The following ADAMTSL1 variants were observed in gnomAD, a reference collection of about 807,000 sequenced individuals.
ADAMTSL1 encodes the protein ADAMTS-like protein 1.
ADAMTSL1 carries 126 observed loss-of-function variants against 201.8 expected under a neutral mutation model. The ratio of observed to expected loss-of-function variants is 0.62; its 90% CI spans 0.54 to 0.72. The LOEUF is 0.72. Among genes scored for constraint, ADAMTSL1 ranks in the 30% least tolerant of loss-of-function variants. The pLI, the probability that ADAMTSL1 is intolerant of heterozygous loss-of-function variation, is 0.00. For missense variants in ADAMTSL1, 2,679 were observed against 2,277.8 expected (o/e 1.18, Z -3.59); for synonymous variants, 1,121 against 903.4 (o/e 1.24, Z -4.32).
intron 1 of ADAMTSL1, among the ~76,000 whole-genome samples, chr9:18,496,829 G>A (rs553556500): frequency 6.6e-6 from 1 of 152,304 alleles, no homozygotes; most frequent in African/African-American, 2.4e-5. Flanking sequence ...TGCCAGTGCT[G>A]CAGAAAGTAT....
intron 1 of ADAMTSL1, among the ~76,000 whole-genome samples, chr9:18,151,529 G>C (rs1198028675): frequency 6.6e-6 from 1 of 151,574 alleles, no homozygotes; most frequent in Non-Finnish European, 1.5e-5. Flanking sequence ...TTTTAATCAA[G>C]ATAAGGGGCT....
At chr9:18,527,441 A>G (rs1226718009) in intron 2 of ADAMTSL1, among the ~76,000 whole-genome samples, 1 of 152,212 alleles carries the variant, frequency 6.6e-6, no homozygotes, top group Non-Finnish European at 1.5e-5. Context: ...AAGAGATGAT[A>G]AGAATTTTAA....
At chr9:18,434,270 A>AG (rs1257843585) in intron 2 of ADAMTSL1, among the ~76,000 whole-genome samples, 1 of 152,214 alleles carries the variant, frequency 6.6e-6, no homozygotes, top group Non-Finnish European at 1.5e-5. Context: ...CATGAAAAAA[A>AG]CAAGAGGCTG....
rs1345665320 is a variant in ADAMTSL1, at chr9:18,614,707, TACC to T, written c.475-7532_475-7530del. 5.3e-5 allele frequency among the ~76,000 whole-genome samples: 8 copies of T among 152,118 alleles called. No individual in the cohort carries two copies. In the East Asian group the frequency reaches 1.5e-3, roughly 29 times the overall value. ...CCTCACCCTAGATTGAGACCAAGCC[TACC>T]ACCTATATGTATTCGTAATAGCACC... On this transcript the variant is annotated intron_variant, in intron 4 of 28. Transcript: ENST00000380548.
intron 1 of ADAMTSL1, among the ~76,000 whole-genome samples, chr9:18,163,283 C>G (rs1827479353): frequency 6.6e-6 from 1 of 151,986 alleles, no homozygotes; most frequent in African/African-American, 2.4e-5. Context: ...TTGGGGTTGT[C>G]ACAAGATAAC....
At chr9:17,974,947 T>G (rs1818382873) in intron 1 of ADAMTSL1, among the ~76,000 whole-genome samples, 1 of 152,076 alleles carries the variant, frequency 6.6e-6, no homozygotes, top group Non-Finnish European at 1.5e-5. Flanking sequence ...CTCATACATT[T>G]TTTCTTAATG....
intron 2 of ADAMTSL1, among the ~76,000 whole-genome samples, chr9:18,467,112 C>T (rs1821037948): frequency 1.3e-5 from 2 of 152,096 alleles, no homozygotes; most frequent in African/African-American, 4.8e-5. Context: ...TCTGTGAATA[C>T]AAGAGTTTGT....
At chr9:17,962,716 C>G (rs916239074) in intron 1 of ADAMTSL1, among the ~76,000 whole-genome samples, 14 of 152,168 alleles carry the variant, frequency 9.2e-5, no homozygotes, top group African/African-American at 2.9e-4. Flanking sequence ...TATCTTTAAA[C>G]TTATGATTTC....
chr9:18,675,872 G>A lies in ADAMTSL1; in HGVS notation c.1101G>A (p.Gln367=). ...TTCCTAACAGTGACGGATACAAGCA[G>A]ATCATGCCTTATGACCTCTACCATC... ...DPCPASDGYK[Q]IMPYDLYHPL... is the part of the protein sequence containing the mutation. The change falls in exon 10 of 29, where the codon CAG becomes CAA. Residue 367 remains glutamine (Q), a synonymous_variant. Coordinates refer to ENST00000380548, the MANE Select transcript of ADAMTSL1 (RefSeq NM_001040272.6). The A allele has an allele frequency of 6.2e-7, 1 of 1,613,216 alleles. No homozygotes were observed. The highest frequency in any genetic ancestry group is 1.1e-5 in the South Asian group (1 of 91,048).
At chr9:18,849,495 G>A (rs887332244) in intron 23 of ADAMTSL1, among the ~76,000 whole-genome samples, 13 of 152,132 alleles carry the variant, frequency 8.5e-5, no homozygotes, top group African/African-American at 2.4e-4. Context: ...CTCTCTTAGC[G>A]GTGGGAACAG....
intron 1 of ADAMTSL1, among the ~76,000 whole-genome samples, chr9:17,913,884 T>A (rs1335531870): frequency 1.3e-5 from 2 of 152,200 alleles, no homozygotes; most frequent in African/African-American, 4.8e-5. Context: ...CAGAGAATAC[T>A]GCAAACACCT....
intron 2 of ADAMTSL1, among the ~76,000 whole-genome samples, chr9:18,461,664 C>T (rs1211641667): frequency 2.6e-5 from 4 of 151,902 alleles, no homozygotes; most frequent in Non-Finnish European, 5.9e-5. Flanking sequence ...AGTATCTTGC[C>T]CTAACCTGTC....
rs192736071 is a variant in ADAMTSL1, at chr9:18,563,747, G to A, written c.238-10283G>A. ...AATCTAGAGAGGCAGTCTGGCTACAGCAGCTTTGCGTAGCTGCGGTGGGCT... is the reference window on the plus strand; with the variant it reads ...AATCTAGAGAGGCAGTCTGGCTACAACAGCTTTGCGTAGCTGCGGTGGGCT... On this transcript the variant is annotated intron_variant, in intron 3 of 28. Transcript: ENST00000380548. 3.9e-3 allele frequency among the ~76,000 whole-genome samples: 594 copies of A among 152,340 alleles called. 10 individuals are homozygous for A. Among genetic ancestry groups the A allele is most frequent in the Admixed American group, 0.027 (418 of 15,306 alleles).
At chr9:18,021,812 T>C (rs766808477) in intron 1 of ADAMTSL1, among the ~76,000 whole-genome samples, 6 of 152,114 alleles carry the variant, frequency 3.9e-5, no homozygotes, top group Admixed American at 6.5e-5. Flanking sequence ...ATGTCAAGAA[T>C]GGAACATTCT....
intron 2 of ADAMTSL1, among the ~76,000 whole-genome samples, chr9:18,219,106 A>C (rs1000372237): frequency 6.6e-6 from 1 of 151,694 alleles, no homozygotes; most frequent in African/African-American, 2.4e-5. Flanking sequence ...TACTGGTGCC[A>C]ATATTACATT....
intron 1 of ADAMTSL1, among the ~76,000 whole-genome samples, chr9:17,945,671 A>G: frequency 6.6e-6 from 1 of 152,212 alleles, no homozygotes; most frequent in African/African-American, 2.4e-5. Context: ...TTGTAGGGAC[A>G]TGGATGAGAT....
chr9:18,651,865 G>T (rs1828286832), intron 7 of ADAMTSL1, among the ~76,000 whole-genome samples: 1 of 151,876 alleles, frequency 6.6e-6, no homozygotes, highest in South Asian at 2.1e-4. Flanking sequence ...AGTCTGGAGA[G>T]AAATCCCATG....
At chr9:18,501,969 C>T (rs753866137) in intron 1 of ADAMTSL1, among the ~76,000 whole-genome samples, 1 of 152,140 alleles carries the variant, frequency 6.6e-6, no homozygotes, top group Non-Finnish European at 1.5e-5. Flanking sequence ...AAACAAGGCA[C>T]ATGAAAAATA....
At chr9:18,504,981 CTTTG>C (rs1329505900) in intron 2 of ADAMTSL1, 25 bp downstream of exon 2, 43 of 1,588,514 alleles carry the variant, frequency 2.7e-5, no homozygotes, top group Middle Eastern at 3.4e-4. Context: ...CGTTGGGGGT[CTTTG>C]TGAGAACCAG....
Sources: allele counts gnomAD v4.1 joint callset (sites outside exome capture counted in the v4.1 genomes callset), GRCh38; gene constraint gnomAD v4.1.1; transcripts MANE v1.5; gene names NCBI Gene and HGNC (gene_info 2026-07-23, HGNC 2026-07-21).